The following VWA8 variants were observed in gnomAD, a reference collection of about 807,000 sequenced individuals.
VWA8 encodes von Willebrand factor A domain-containing protein 8.
VWA8 carries 221 observed loss-of-function variants against 241.5 expected under a neutral mutation model. That is an observed-to-expected ratio of 0.91 (90% confidence interval 0.82 to 1.02). VWA8 has a LOEUF of 1.02. Among genes scored for constraint, VWA8 ranks in the 50% least tolerant of loss-of-function variants. The probability of loss-of-function intolerance (pLI) is 0.00; values close to 1 mark genes in which losing one functional copy is unlikely to be tolerated. For missense variants in VWA8, 2,322 were observed against 2,328.7 expected, an observed-to-expected ratio of 1.00 and a Z score of 0.06; for synonymous variants, 852 against 827.1, an observed-to-expected ratio of 1.03 and a Z score of -0.52.
intron 38 of VWA8, among the ~76,000 whole-genome samples, 154 bp from the exon 39 acceptor site, chr13:41,611,886 T>C (rs1289590478): frequency 1.3e-5 from 2 of 152,202 alleles, no homozygotes; most frequent in Non-Finnish European, 2.9e-5. Context: ...AGATGTATTC[T>C]CTTGTTTAGG....
chr13:41,865,418 C>T (rs1177106127), intron 12 of VWA8: 1 of 315,310 alleles, frequency 3.2e-6, no homozygotes, highest in Non-Finnish European at 6.1e-6. Context: ...TCTTATTTCT[C>T]CCACCTACCT....
chr13:41,572,002 C>A (rs984209601), intron 43 of VWA8, among the ~76,000 whole-genome samples: 3 of 152,016 alleles, frequency 2.0e-5, no homozygotes, highest in African/African-American at 7.2e-5. Context: ...CGGTGGCGAC[C>A]CCGTCTGGGA....
At chr13:41,594,619 T>G (rs1287539199) in intron 40 of VWA8, among the ~76,000 whole-genome samples, 1 of 152,188 alleles carries the variant, frequency 6.6e-6, no homozygotes, top group East Asian at 1.9e-4. Flanking sequence ...GAGGGACTAA[T>G]TGTGACCTGG....
intron 22 of VWA8, 98 bp downstream of exon 22, chr13:41,731,982 C>A: frequency 9.9e-7 from 1 of 1,010,548 alleles, no homozygotes; most frequent in Non-Finnish European, 1.5e-6. Context: ...TGAAAACAGA[C>A]TAATACGTAA....
At chr13:41,879,962 G>A (rs149652753) in intron 9 of VWA8, among the ~76,000 whole-genome samples, 1 of 152,242 alleles carries the variant, frequency 6.6e-6, no homozygotes, top group African/African-American at 2.4e-5. Context: ...TTCATATGGA[G>A]GAATTAATTT....
chr13:41,806,972 A>T (rs901760781), intron 17 of VWA8, among the ~76,000 whole-genome samples: 1 of 152,160 alleles, frequency 6.6e-6, no homozygotes, highest in Non-Finnish European at 1.5e-5. Flanking sequence ...AAAAAGGAAG[A>T]TTCAAATAAA....
chr13:41,742,316 C>T (rs961319589), intron 21 of VWA8, among the ~76,000 whole-genome samples: 3 of 152,178 alleles, frequency 2.0e-5, no homozygotes, highest in Admixed American at 2.0e-4. Flanking sequence ...TATCAAACAT[C>T]CACCATACTC....
intron 1 of VWA8, among the ~76,000 whole-genome samples, chr13:41,959,620 T>C (rs1381060983): frequency 2.9e-5 from 4 of 139,404 alleles, no homozygotes; most frequent in African/African-American, 1.0e-4. Context: ...TTTTTTTTTT[T>C]TTTTTGAGAT....
chr13:41,684,879 A>C (rs1176268849), intron 35 of VWA8, among the ~76,000 whole-genome samples, 168 bp downstream of exon 35: 1 of 152,220 alleles, frequency 6.6e-6, no homozygotes, highest in Non-Finnish European at 1.5e-5. Flanking sequence ...TGTGAAAATG[A>C]GTAAGAACTT....
intron 12 of VWA8, among the ~76,000 whole-genome samples, chr13:41,849,265 G>A (rs1872421313): frequency 6.6e-6 from 1 of 152,124 alleles, no homozygotes; most frequent in African/African-American, 2.4e-5. Context: ...AGGCATCTAG[G>A]TCATAAAACT....
At chr13:41,687,553 C>T (rs2045145105) in intron 34 of VWA8, among the ~76,000 whole-genome samples, 2 of 152,058 alleles carry the variant, frequency 1.3e-5, no homozygotes, top group South Asian at 2.1e-4. Flanking sequence ...AGAGGGCTGG[C>T]TAGTCACACT....
At chr13:41,905,953 G>A (rs891274988) in intron 4 of VWA8, among the ~76,000 whole-genome samples, 3 of 151,956 alleles carry the variant, frequency 2.0e-5, no homozygotes, top group Admixed American at 6.6e-5. Flanking sequence ...TCTATGAAGT[G>A]AACTTTTGGC....
At chr13:41,882,889 G>A (rs904595755) in intron 9 of VWA8, among the ~76,000 whole-genome samples, 1 of 151,766 alleles carries the variant, frequency 6.6e-6, no homozygotes, top group Non-Finnish European at 1.5e-5. Context: ...TAGTTTTTAG[G>A]CTGCCTTAGG....
chr13:41,862,789 G>A (rs1452025352), intron 12 of VWA8, among the ~76,000 whole-genome samples: 2 of 152,176 alleles, frequency 1.3e-5, no homozygotes, highest in African/African-American at 4.8e-5. Context: ...ATATTGATGA[G>A]GTTGTGGAGA....
intron 2 of VWA8, among the ~76,000 whole-genome samples, chr13:41,937,008 T>C (rs1162589626): frequency 1.3e-5 from 2 of 152,180 alleles, no homozygotes; most frequent in Admixed American, 1.3e-4. Context: ...CATTACCTTT[T>C]CAATGTTTCA....
chr13:41,785,770 C>A (rs1290588981), intron 18 of VWA8, among the ~76,000 whole-genome samples: 1 of 151,922 alleles, frequency 6.6e-6, no homozygotes, highest in Non-Finnish European at 1.5e-5. Flanking sequence ...TATTTACCAC[C>A]ATTAGGTCTC....
intron 21 of VWA8, among the ~76,000 whole-genome samples, chr13:41,751,119 C>T (rs2045653043): frequency 6.6e-6 from 1 of 151,080 alleles, no homozygotes; most frequent in African/African-American, 2.4e-5. Context: ...CACACAGTAG[C>T]TGCTATGCAA....
chr13:41,578,680 T>G (rs2044364961), intron 42 of VWA8, among the ~76,000 whole-genome samples: 1 of 151,924 alleles, frequency 6.6e-6, no homozygotes, highest in Non-Finnish European at 1.5e-5. Context: ...GCTACAGGAG[T>G]CAATAAACAA....
intron 4 of VWA8, among the ~76,000 whole-genome samples, chr13:41,900,958 T>G (rs1566499862): frequency 6.6e-6 from 1 of 152,194 alleles, no homozygotes; most frequent in Non-Finnish European, 1.5e-5. Context: ...TCCATTTCTC[T>G]CTAAAACTAG....
Sources: gnomAD v4.1 joint callset for allele counts (sites outside exome capture counted in the v4.1 genomes callset) on GRCh38, gnomAD v4.1.1 for gene constraint, MANE v1.5 for transcripts, NCBI Gene and HGNC (gene_info 2026-07-23, HGNC 2026-07-21) for gene names.